ROBO2: variants seen among roughly 807,000 people sequenced by gnomAD.
ROBO2 encodes the protein roundabout guidance receptor 2, also known as roundabout homolog 2.
A neutral mutation model predicts 160.8 loss-of-function variants in ROBO2; 53 were observed. The ratio of observed to expected loss-of-function variants is 0.33; its 90% confidence interval spans 0.26 to 0.41. The LOEUF (loss-of-function observed/expected upper bound fraction) is 0.41, where lower values mean the gene tolerates loss of function less well. Ranked by LOEUF, ROBO2 falls within the 10% of genes least tolerant of loss-of-function variation. The pLI is 1.00. For synonymous variants in ROBO2, 664 were observed against 611.7 expected, an observed-to-expected ratio of 1.09 and a Z score of -1.26; for missense variants, 1,577 against 1,722.4, an observed-to-expected ratio of 0.92 and a Z score of 1.49.
chr3:76,600,343 C>T (rs780993823), intron 2 of ROBO2, among the ~76,000 whole-genome samples: 5 of 152,142 alleles, frequency 3.3e-5, no homozygotes, highest in African/African-American at 1.2e-4. Flanking sequence ...AAACCTTCTA[C>T]ATTAATGATT....
chr3:76,052,481 T>C (rs1236070770), intron 2 of ROBO2, among the ~76,000 whole-genome samples: 1 of 150,162 alleles, frequency 6.7e-6, no homozygotes, highest in African/African-American at 2.4e-5. Context: ...CATGATGCTG[T>C]CCTTGAGATT....
At chr3:75,980,928 T>TA (rs1187557402) in intron 2 of ROBO2, among the ~76,000 whole-genome samples, 1 of 151,512 alleles carries the variant, frequency 6.6e-6, no homozygotes, top group Non-Finnish European at 1.5e-5. Flanking sequence ...TTTACACTTC[T>TA]ATGTAGAAAA....
At chr3:76,056,384 T>A (rs1313628916) in intron 2 of ROBO2, among the ~76,000 whole-genome samples, 1 of 152,172 alleles carries the variant, frequency 6.6e-6, no homozygotes, top group African/African-American at 2.4e-5. Context: ...CTAACCCTGC[T>A]TATAAAACCT....
intron 2 of ROBO2, among the ~76,000 whole-genome samples, chr3:77,106,940 C>T (rs1453809695): frequency 6.6e-6 from 1 of 152,216 alleles, no homozygotes; most frequent in Non-Finnish European, 1.5e-5. Flanking sequence ...CATAGTCCTC[C>T]TTTGTCTACT....
chr3:76,396,903 G>A (rs2077489699), intron 2 of ROBO2, among the ~76,000 whole-genome samples: 1 of 152,138 alleles, frequency 6.6e-6, no homozygotes, highest in Non-Finnish European at 1.5e-5. Flanking sequence ...ACTGCCCAAG[G>A]TAATTTATAG....
chr3:76,870,634 C>T (rs776285079), intron 2 of ROBO2, among the ~76,000 whole-genome samples: 17 of 152,104 alleles, frequency 1.1e-4, no homozygotes, highest in Admixed American at 3.3e-4. Context: ...GGAGAGAGTA[C>T]GGCATTTGGT....
chr3:77,046,816 A>G (rs752096578), intron 1 of ROBO2, among the ~76,000 whole-genome samples: 1 of 152,226 alleles, frequency 6.6e-6, no homozygotes, highest in African/African-American at 2.4e-5. Flanking sequence ...CAACACATGC[A>G]TATTGACAAC....
chr3:77,032,499 C>G (rs908220782), intron 2 of ROBO2, among the ~76,000 whole-genome samples: 1 of 151,824 alleles, frequency 6.6e-6, no homozygotes, highest in Non-Finnish European at 1.5e-5. Context: ...ATAATATTAA[C>G]CATAGTTTAA....
chr3:77,157,652 C>A (rs563335047), intron 2 of ROBO2, among the ~76,000 whole-genome samples: 18 of 152,130 alleles, frequency 1.2e-4, no homozygotes, highest in Admixed American at 1.1e-3. Flanking sequence ...TTTTGGTATG[C>A]TGACCATAAA....
chr3:76,861,396 T>C (rs2070765498), intron 2 of ROBO2, among the ~76,000 whole-genome samples: 1 of 152,154 alleles, frequency 6.6e-6, no homozygotes, highest in Non-Finnish European at 1.5e-5. Context: ...GCCTACCACA[T>C]AGTAATTCTT....
At chr3:77,397,974 A>G (rs905906124) in intron 2 of ROBO2, among the ~76,000 whole-genome samples, 1 of 152,146 alleles carries the variant, frequency 6.6e-6, no homozygotes, top group Non-Finnish European at 1.5e-5. Context: ...TATTAATCCT[A>G]GTACTTAAAT....
intron 2 of ROBO2, among the ~76,000 whole-genome samples, chr3:77,321,562 A>G (rs1418057655): frequency 6.6e-6 from 1 of 152,126 alleles, no homozygotes; most frequent in Non-Finnish European, 1.5e-5. Context: ...GATACTGGAA[A>G]AATTTTAGAG....
intron 2 of ROBO2, among the ~76,000 whole-genome samples, chr3:77,463,213 G>A (rs1328150227): frequency 6.6e-6 from 1 of 152,112 alleles, no homozygotes; most frequent in Admixed American, 6.6e-5. Flanking sequence ...CCTCACAGAG[G>A]TAGTCTCAAC....
At chr3:77,497,715 T>C (rs2153604263) in intron 5 of ROBO2, among the ~76,000 whole-genome samples, 1 of 152,226 alleles carries the variant, frequency 6.6e-6, no homozygotes, top group South Asian at 2.1e-4. Flanking sequence ...CAAAGTGTTT[T>C]ATGTGATAGA....
chr3:77,639,112 G>A (rs1481968834), intron 24 of ROBO2, among the ~76,000 whole-genome samples: 2 of 152,062 alleles, frequency 1.3e-5, no homozygotes, highest in Non-Finnish European at 2.9e-5. Context: ...TTATAGGCAT[G>A]AGCCACCATG....
chr3:76,223,707 C>G (rs1015317708), intron 2 of ROBO2, among the ~76,000 whole-genome samples: 2 of 152,142 alleles, frequency 1.3e-5, no homozygotes, highest in Admixed American at 6.5e-5. Flanking sequence ...AGCCCTTCCG[C>G]TACAGGAGAT....
intron 2 of ROBO2, among the ~76,000 whole-genome samples, chr3:76,339,628 C>T (rs1466824092): frequency 2.0e-5 from 3 of 152,046 alleles, no homozygotes; most frequent in Non-Finnish European, 2.9e-5. Flanking sequence ...TGATTATTCT[C>T]CTTAGCAAAT....
At position 77,192,596 on chromosome 3, in the gene ROBO2, T is replaced by G. The variant is rs190096262; in HGVS notation, c.388+94256T>G. Among the ~76,000 whole-genome samples, 438 of 152,110 alleles carry G rather than the reference T, an allele frequency of 2.9e-3. 6 individuals are homozygous for G. The highest frequency in any genetic ancestry group is 0.02 in the Middle Eastern group (6 of 294). On this transcript the variant is annotated intron_variant, in intron 2 of 25. Transcript: ENST00000461745. Reference sequence around the variant, plus strand: ...ATCAAATGTGGGGCTCTAAACTCAGTTATTTCTCATTAAATTTGGAAAATC... The same window carrying G: ...ATCAAATGTGGGGCTCTAAACTCAGGTATTTCTCATTAAATTTGGAAAATC...
chr3:77,014,969 A>G (rs62249945), intron 2 of ROBO2, among the ~76,000 whole-genome samples: 22,978 of 152,056 alleles, frequency 0.15, 1,966 homozygotes, highest in Admixed American at 0.25. Flanking sequence ...ATGAATTCTA[A>G]TGAACTTAGG....
Sources: allele counts gnomAD v4.1 joint callset (sites outside exome capture counted in the v4.1 genomes callset), GRCh38; gene constraint gnomAD v4.1.1; transcripts MANE v1.5; gene names NCBI Gene and HGNC (gene_info 2026-07-23, HGNC 2026-07-21).